Variants in NKAPD1 observed in about 807,000 individuals in gnomAD.
NKAPD1 encodes the protein uncharacterized protein NKAPD1.
In NKAPD1, 12 loss-of-function variants were observed where a neutral mutation model predicts 30.9. The ratio of observed to expected loss-of-function variants is 0.39; its 90% CI spans 0.25 to 0.63. The LOEUF is 0.63. Ranked by LOEUF, NKAPD1 falls within the 20% of genes least tolerant of loss-of-function variation. The pLI, the probability that NKAPD1 is intolerant of heterozygous loss-of-function variation, is 0.51. For synonymous variants in NKAPD1, 91 were observed against 113.6 expected (o/e 0.80, Z 1.26); for missense variants, 311 against 344.5 (o/e 0.90, Z 0.77).
At position 112,084,963 on chromosome 11, in the gene NKAPD1, C is replaced by G. The variant is rs1209783246; in HGVS notation, c.*1991C>G. 1 of 191,916 alleles carries G rather than the reference C, an allele frequency of 5.2e-6. No individual in the cohort carries two copies. The highest frequency in any genetic ancestry group is 1.1e-5 in the Non-Finnish European group (1 of 93,866). 11.9% of individuals were successfully genotyped at this position (191,916 alleles called of 1,614,324 possible). A position where few individuals can be genotyped will look rare whatever the true frequency, so the allele number is the denominator to read the frequency against. ...ATGGCTTAGGGTGGTTTTTCAAAAC[C>G]TACAATCCCCCATTTGCACTACTGG... On this transcript the variant is annotated 3_prime_UTR_variant, in exon 6 of 6. Transcript: ENST00000393047.
rs767354901 is a variant in NKAPD1, at chr11:112,083,463, G to A, written c.*491G>A. 1 of 153,140 alleles carries A rather than the reference G, an allele frequency of 6.5e-6. No individual in the cohort carries two copies. Among genetic ancestry groups the A allele is most frequent in the Non-Finnish European group, 1.5e-5 (1 of 68,484 alleles). The allele number at this position is 153,140 out of a possible 1,614,324, so 9.5% of individuals were successfully genotyped here. ...TGGTGCTTTGATCCTTCTATATTTT[G>A]ACCCCACAGGTGTGGTCCGGTTTAC... On this transcript the variant is annotated 3_prime_UTR_variant, in exon 6 of 6. Transcript: ENST00000393047.
At chr11:112,082,352 G>T in intron 5 of NKAPD1, 113 bp from the exon 6 acceptor site, 1 of 897,130 alleles carries the variant, frequency 1.1e-6, no homozygotes, top group East Asian at 2.7e-5. Flanking sequence ...ACATTAAAGT[G>T]CTTATTTAAA....
rs1371443724 is a variant in NKAPD1, at chr11:112,074,735, C to G, written c.-190C>G. 2 of 374,730 alleles carry G rather than the reference C, an allele frequency of 5.3e-6. No individual in the cohort carries two copies. The highest frequency in any genetic ancestry group is 9.5e-6 in the Non-Finnish European group (2 of 211,182). The allele number at this position is 374,730 out of a possible 1,614,324, so 23.2% of individuals were successfully genotyped here. ...TGGGCTGGGGGAAACGCGGCAGTGG[C>G]CTGGGCCACAGGTGAGGGCAGAGTA... On this transcript the variant is annotated 5_prime_UTR_variant, in exon 1 of 6. Transcript: ENST00000393047.
intron 4 of NKAPD1, chr11:112,081,615 A>G (rs530480794): frequency 5.5e-5 from 10 of 180,896 alleles, no homozygotes; most frequent in Non-Finnish European, 8.3e-5. Context: ...CCTGGGCAAG[A>G]GTGAGACTCC....
chr11:112,075,789 T>C, intron 2 of NKAPD1, 146 bp downstream of exon 2: 1 of 740,658 alleles, frequency 1.4e-6, no homozygotes, highest in Non-Finnish European at 2.2e-6. Flanking sequence ...AATAAAATGA[T>C]GAATAAAATA....
chr11:112,082,218 A>T, intron 5 of NKAPD1, 183 bp downstream of exon 5: 1 of 704,556 alleles, frequency 1.4e-6, no homozygotes, highest in Non-Finnish European at 2.3e-6. Flanking sequence ...GCATGTCTGT[A>T]AGCATTTTGG....
chr11:112,075,319 A>G (rs1865298639), intron 1 of NKAPD1, among the ~76,000 whole-genome samples: 1 of 152,226 alleles, frequency 6.6e-6, no homozygotes, highest in African/African-American at 2.4e-5. Context: ...GTGCTCATGA[A>G]AGCACTTAAT....
intron 3 of NKAPD1, among the ~76,000 whole-genome samples, chr11:112,079,448 C>A (rs1232781084): frequency 1.3e-5 from 2 of 151,814 alleles, no homozygotes; most frequent in African/African-American, 2.4e-5. Context: ...GACCTGGCCC[C>A]TTAAAAATTT....
chr11:112,078,137 C>T lies in NKAPD1; in HGVS notation c.70-78C>T, dbSNP rs1278892142. 9.9e-6 allele frequency: 11 copies of T among 1,115,948 alleles called. No homozygotes were observed. The South Asian group carries it at 1.2e-4, about 12-fold the overall frequency. The allele number at this position is 1,115,948 out of a possible 1,614,324, so 69.1% of individuals were successfully genotyped here. On this transcript the variant is annotated intron_variant, in intron 2 of 5. Coordinates refer to ENST00000393047, the MANE Select transcript of NKAPD1 (RefSeq NM_018195.4). ...GGGATTACAGGTGTGAGCCACTGTG[C>T]CCGGCCAGTTAGTTACTTTTCTGTA...
intron 3 of NKAPD1, among the ~76,000 whole-genome samples, chr11:112,079,626 T>A (rs1381235400): frequency 6.6e-6 from 1 of 152,098 alleles, no homozygotes; most frequent in East Asian, 1.9e-4. Context: ...CAGAGGGAAG[T>A]GTATTTCAGA....
rs376862185 is a variant in NKAPD1, at chr11:112,075,720, G to A, written c.69+77G>A. On this transcript the variant is annotated intron_variant, in intron 2 of 5. Coordinates refer to ENST00000393047, the MANE Select transcript of NKAPD1 (RefSeq NM_018195.4). Reference sequence around the variant, plus strand: ...TGCCAAGCATTATTTTGGAACAACTGGGAGATACAAAGAATATTCTTGTCA... The same window carrying A: ...TGCCAAGCATTATTTTGGAACAACTAGGAGATACAAAGAATATTCTTGTCA... 382 of 1,437,732 alleles carry A rather than the reference G, an allele frequency of 2.7e-4. No homozygotes were observed. The African/African-American group carries it at 5.0e-3, about 19-fold the overall frequency. The allele number at this position is 1,437,732 out of a possible 1,614,324, so 89.1% of individuals were successfully genotyped here.
At chr11:112,077,900 C>CA (rs1219436085) in intron 2 of NKAPD1, among the ~76,000 whole-genome samples, 2 of 150,794 alleles carry the variant, frequency 1.3e-5, no homozygotes, top group Non-Finnish European at 2.9e-5. Context: ...GGCTGGAGTG[C>CA]AGTGGTGCAA....
chr11:112,082,353 C>A, intron 5 of NKAPD1, 112 bp from the exon 6 acceptor site: 1 of 908,918 alleles, frequency 1.1e-6, no homozygotes, highest in Non-Finnish European at 1.6e-6. Flanking sequence ...CATTAAAGTG[C>A]TTATTTAAAA....
At chr11:112,079,622 G>C (rs982300311) in intron 3 of NKAPD1, among the ~76,000 whole-genome samples, 2 of 152,136 alleles carry the variant, frequency 1.3e-5, no homozygotes, top group Non-Finnish European at 2.9e-5. Flanking sequence ...TGCACAGAGG[G>C]AAGTGTATTT....
At chr11:112,079,141 A>ATT (rs35305300) in intron 3 of NKAPD1, among the ~76,000 whole-genome samples, 3,297 of 115,738 alleles carry the variant, frequency 0.028, 138 homozygotes, top group African/African-American at 0.053. Context: ...GGCCCTTACA[A>ATT]TTTTTTTTTT....
Position 112,081,964 on chromosome 11 carries a change from T to C in NKAPD1, c.321-18T>C, listed in dbSNP as rs370649078. On this transcript the variant is annotated intron_variant, in intron 4 of 5. Transcript: ENST00000393047. ...GTATGCATTGCTTTAACAATACATG[T>C]GATGTGTCATATTACAGATGGGGTC... is the stretch of plus-strand genomic sequence containing the variant. 2.3e-4 allele frequency: 364 copies of C among 1,607,518 alleles called. No homozygotes were observed. Among genetic ancestry groups the C allele is most frequent in the Non-Finnish European group, 2.8e-4 (325 of 1,174,770 alleles).
At position 112,074,339 on chromosome 11, in the gene NKAPD1, A is replaced by G; in HGVS notation, c.-586A>G. The stretch of plus-strand genomic sequence containing the variant: ...CACTTCTTCCCCCCTACCCCCCGCC[A>G]CGCGAGGCTGCGGCGCACGGTATGG... On this transcript the variant is annotated 5_prime_UTR_variant, in exon 1 of 6. Transcript: ENST00000393047. 1 of 399,050 alleles carries G rather than the reference A, an allele frequency of 2.5e-6. No homozygotes were observed. The highest frequency in any genetic ancestry group is 4.4e-6 in the Non-Finnish European group (1 of 226,204). 24.7% of individuals were successfully genotyped at this position (399,050 alleles called of 1,614,324 possible). A position where few individuals can be genotyped will look rare whatever the true frequency, so the allele number is the denominator to read the frequency against.
At position 112,084,727 on chromosome 11, in the gene NKAPD1, C is replaced by T. The variant is rs1391370939; in HGVS notation, c.*1755C>T. 3 of 149,720 alleles carry T rather than the reference C, an allele frequency of 2.0e-5. No individual in the cohort carries two copies. Among genetic ancestry groups the T allele is most frequent in the African/African-American group, 7.4e-5 (3 of 40,454 alleles). The allele number at this position is 149,720 out of a possible 1,614,324, so 9.3% of individuals were successfully genotyped here. A position where few individuals can be genotyped will look rare whatever the true frequency, so the allele number is the denominator to read the frequency against. ...ACAGGCCATCTCCAGGAAATTGGCT[C>T]TATTTGGGTCCTGACCTTCCCTTCC... is the stretch of plus-strand genomic sequence containing the variant. On this transcript the variant is annotated 3_prime_UTR_variant, in exon 6 of 6. Coordinates refer to ENST00000393047, the MANE Select transcript of NKAPD1 (RefSeq NM_018195.4).
Position 112,085,022 on chromosome 11 carries a change from T to C in NKAPD1, c.*2050T>C. 3.5e-6 allele frequency: 1 copy of C among 283,620 alleles called. No homozygotes were observed. The highest frequency in any genetic ancestry group is 1.1e-4 in the South Asian group (1 of 8,886). 17.6% of individuals were successfully genotyped at this position (283,620 alleles called of 1,614,324 possible). A position where few individuals can be genotyped will look rare whatever the true frequency, so the allele number is the denominator to read the frequency against. On this transcript the variant is annotated 3_prime_UTR_variant, in exon 6 of 6. Transcript: ENST00000393047. ...CATTTATTTCTAGTGTTCCTGCCAA[T>C]CAGAGATCTCTATATTAAATTCTAA...
Sources: allele counts gnomAD v4.1 joint callset (sites outside exome capture counted in the v4.1 genomes callset), GRCh38; gene constraint gnomAD v4.1.1; transcripts MANE v1.5; gene names NCBI Gene and HGNC (gene_info 2026-07-23, HGNC 2026-07-21).